Variants in SPATA13 observed in about 807,000 individuals in gnomAD.
SPATA13 encodes the protein spermatogenesis-associated protein 13.
Under a neutral mutation model 104.0 loss-of-function variants are expected in SPATA13, and 50 were observed. The observed-to-expected ratio is 0.48, with a 90% confidence interval of 0.38 to 0.61. SPATA13 has a LOEUF of 0.61. Ranked by LOEUF, SPATA13 falls within the 20% of genes least tolerant of loss-of-function variation. The pLI is 0.00. For synonymous variants in SPATA13, 606 were observed against 667.5 expected, an observed-to-expected ratio of 0.91 and a Z score of 1.42; for missense variants, 1,524 against 1,690.6, an observed-to-expected ratio of 0.90 and a Z score of 1.73.
intron 3 of SPATA13, among the ~76,000 whole-genome samples, chr13:24,072,299 A>G (rs942535807): frequency 1.3e-5 from 2 of 152,256 alleles, no homozygotes; most frequent in East Asian, 3.8e-4. Context: ...GTACAGCAGA[A>G]GAGAAACTGT....
In SPATA13 at chr13:24,299,234, G is replaced by A. The variant is rs367724093; in HGVS notation, c.3584-1167G>A. Among the ~76,000 whole-genome samples, 47 of 152,294 alleles carry A rather than the reference G, an allele frequency of 3.1e-4. 1 individual carries two copies. The South Asian group carries it at 8.1e-3, about 26-fold the overall frequency. Reference sequence around the variant, plus strand: ...ACTATTTAGTGGGGGCATCCTATGTGCTTTCAACAGTGTCTCTCAATAGGA... The same window carrying A: ...ACTATTTAGTGGGGGCATCCTATGTACTTTCAACAGTGTCTCTCAATAGGA... On this transcript the variant is annotated intron_variant, in intron 11 of 12. Transcript: ENST00000382108.
Position 24,122,664 on chromosome 13 carries a change from G to T in SPATA13, c.-111-100155G>T, listed in dbSNP as rs371838136. 4.8e-5 allele frequency: 52 copies of T among 1,090,458 alleles called. No individual in the cohort carries two copies. In the East Asian group the frequency reaches 8.0e-4, roughly 17 times the overall value. 67.5% of individuals were successfully genotyped at this position (1,090,458 alleles called of 1,614,324 possible). A position where few individuals can be genotyped will look rare whatever the true frequency, so the allele number is the denominator to read the frequency against. On this transcript the variant is annotated intron_variant, in intron 3 of 14. Coordinates refer to the SPATA13 transcript ENST00000424834. ...ACTGTATATCACTTCAAGATACTTG[G>T]TGACAGACAGAAGTGTGTCTGTATC...
intron 3 of SPATA13, among the ~76,000 whole-genome samples, chr13:24,131,284 C>T (rs1339064131): frequency 6.6e-6 from 1 of 152,070 alleles, no homozygotes; most frequent in Non-Finnish European, 1.5e-5. Context: ...TTGTCTTGAC[C>T]AGCTAGTCCT....
intron 1 of SPATA13, among the ~76,000 whole-genome samples, chr13:24,197,991 C>CTT (rs1566145806): frequency 3.3e-5 from 5 of 151,760 alleles, no homozygotes; most frequent in African/African-American, 1.2e-4. Context: ...CCTGTTACCT[C>CTT]GTGTTTGTTT....
intron 2 of SPATA13, among the ~76,000 whole-genome samples, chr13:24,225,230 T>C (rs369991189): frequency 6.6e-6 from 1 of 152,144 alleles, no homozygotes; most frequent in African/African-American, 2.4e-5. Context: ...TGTGAGTGAG[T>C]GAGCATGGAG....
chr13:24,028,830 T>A (rs933976776), intron 3 of SPATA13, among the ~76,000 whole-genome samples: 19 of 152,320 alleles, frequency 1.2e-4, no homozygotes, highest in Middle Eastern at 3.4e-3. Context: ...ATAATTATAT[T>A]TCTCTATTTT....
intron 2 of SPATA13, among the ~76,000 whole-genome samples, chr13:24,015,162 G>A (rs972399773): frequency 2.0e-5 from 3 of 152,052 alleles, no homozygotes; most frequent in Non-Finnish European, 4.4e-5. Flanking sequence ...AAAGTGCTGG[G>A]ATTACAGATG....
At chr13:24,170,129 T>G (rs896636781) in intron 1 of SPATA13, among the ~76,000 whole-genome samples, 4 of 152,208 alleles carry the variant, frequency 2.6e-5, no homozygotes, top group Non-Finnish European at 5.9e-5. Flanking sequence ...TGCAGGGGGA[T>G]AGGTCAAATC....
Position 24,224,415 on chromosome 13 carries a change from G to T in SPATA13, c.1486G>T (p.Ala496Ser). 6.4e-7 allele frequency: 1 copy of T among 1,551,710 alleles called. No individual in the cohort carries two copies. Among genetic ancestry groups the T allele is most frequent in the Non-Finnish European group, 8.7e-7 (1 of 1,147,002 alleles). The change falls in exon 2 of 13, where the codon GCG becomes TCG. Residue 496 changes from alanine (A) to serine (S), a missense_variant. Physicochemically the swap from Ala to Ser is moderately conservative, Grantham distance 99. This residue lies in a region of SPATA13 where 1,089 missense variants were observed against 1,135.9 expected (regional missense o/e 0.96). Transcript: ENST00000382108. ...SCHSNHSALS[A>S]NSEESEGRAE... Reference sequence around the variant, plus strand: ...TCACAGCAATCACAGTGCCCTGTCCGCGAATTCAGAGGAAAGTGAAGGAAG... The same window carrying T: ...TCACAGCAATCACAGTGCCCTGTCCTCGAATTCAGAGGAAAGTGAAGGAAG...
chr13:24,274,239 G>A (rs1566184858), intron 4 of SPATA13, among the ~76,000 whole-genome samples: 2 of 152,212 alleles, frequency 1.3e-5, no homozygotes, highest in Admixed American at 6.5e-5. Context: ...AACAACCTGA[G>A]CATGTGGTGT....
At chr13:24,052,772 G>C (rs2137743575) in intron 3 of SPATA13, among the ~76,000 whole-genome samples, 1 of 73,900 alleles carries the variant, frequency 1.4e-5, no homozygotes, top group African/African-American at 5.3e-5. Flanking sequence ...CTGCGTTCCT[G>C]TGGCGGGAGG....
intron 4 of SPATA13, among the ~76,000 whole-genome samples, chr13:24,282,526 G>GAGATA (rs1875619606): frequency 6.6e-6 from 1 of 152,188 alleles, no homozygotes; most frequent in South Asian, 2.1e-4. Context: ...CTCTGTTGCT[G>GAGATA]CAGGCATGAG....
chr13:24,274,447 C>T (rs1012972131), intron 4 of SPATA13, among the ~76,000 whole-genome samples: 1 of 152,162 alleles, frequency 6.6e-6, no homozygotes, highest in Non-Finnish European at 1.5e-5. Context: ...TGCCACAGGC[C>T]CTGGGTGTTT....
At chr13:24,276,566 G>A (rs979033147) in intron 4 of SPATA13, among the ~76,000 whole-genome samples, 21 of 152,202 alleles carry the variant, frequency 1.4e-4, no homozygotes, top group Admixed American at 5.9e-4. Flanking sequence ...AAGTTCTGTC[G>A]TACAAGAGTG....
At chr13:24,069,000 C>T (rs1306111861) in intron 3 of SPATA13, among the ~76,000 whole-genome samples, 1 of 152,190 alleles carries the variant, frequency 6.6e-6, no homozygotes, top group Non-Finnish European at 1.5e-5. Flanking sequence ...TGTGCAGAAG[C>T]TGTTTTGGTT....
intron 3 of SPATA13, among the ~76,000 whole-genome samples, chr13:24,021,162 T>G (rs1327381235): frequency 6.6e-6 from 1 of 152,220 alleles, no homozygotes; most frequent in East Asian, 1.9e-4. Flanking sequence ...AGGAAGGTAT[T>G]AGGAGAGGCA....
intron 3 of SPATA13, among the ~76,000 whole-genome samples, chr13:24,067,091 A>G (rs1878991006): frequency 6.6e-6 from 1 of 152,172 alleles, no homozygotes; most frequent in Admixed American, 6.5e-5. Flanking sequence ...CCTCTTGGCT[A>G]GGATCCAGCA....
intron 2 of SPATA13, among the ~76,000 whole-genome samples, chr13:24,225,303 C>CG (rs1382288433): frequency 6.6e-6 from 1 of 152,176 alleles, no homozygotes; most frequent in Non-Finnish European, 1.5e-5. Context: ...CTCCAGGTGC[C>CG]GGCACAGGTG....
At position 24,011,118 on chromosome 13, in the gene SPATA13, G is replaced by A. The variant is rs1041656703; in HGVS notation, c.-146-6549G>A. 2.0e-4 allele frequency among the ~76,000 whole-genome samples: 30 copies of A among 152,066 alleles called. 1 individual carries two copies. The highest frequency in any genetic ancestry group is 4.6e-4 in the Admixed American group (7 of 15,282). On this transcript the variant is annotated intron_variant, in intron 2 of 14. Transcript: ENST00000424834. The surrounding 1 kb of genome is among the most constrained non-coding windows in gnomAD (Gnocchi z 4.3). ...GTTTCTCCCCAGGTCCTGACCACCT[G>A]GCCGTGGGCCCCTCCCTGTAGAGCC... is the stretch of plus-strand genomic sequence containing the variant.
Sources: allele counts gnomAD v4.1 joint callset (sites outside exome capture counted in the v4.1 genomes callset), GRCh38; gene constraint gnomAD v4.1.1; regional missense constraint gnomAD v4.1.1; non-coding constraint Gnocchi (gnomAD v3.1); transcripts MANE v1.5; gene names NCBI Gene and HGNC (gene_info 2026-07-23, HGNC 2026-07-21).